Variants in TNFAIP3 observed in about 807,000 individuals in gnomAD.
TNFAIP3 encodes the protein tumor necrosis factor alpha-induced protein 3.
Under a neutral mutation model 72.4 loss-of-function variants are expected in TNFAIP3, and 9 were observed. The observed-to-expected ratio is 0.12, with a 90% confidence interval of 0.07 to 0.22. The LOEUF (loss-of-function observed/expected upper bound fraction) is 0.22. TNFAIP3 is among the 10% of genes least tolerant of loss of function. The pLI, the probability that TNFAIP3 is intolerant of heterozygous loss-of-function variation, is 1.00. For missense variants in TNFAIP3, 833 were observed against 1,018.7 expected (o/e 0.82, Z 2.48); for synonymous variants, 339 against 372.6 (o/e 0.91, Z 1.04).
rs1349586195 is a variant in TNFAIP3, at chr6:137,882,418, T to C, written c.*1099T>C. On this transcript the variant is annotated 3_prime_UTR_variant, in exon 9 of 9. Transcript: ENST00000612899. ...AGAACATCCTTGCTTTGAGTCAGGCTGTGGGCAAGTTCCTGACCACAGGGA... is the reference window on the plus strand; with the variant it reads ...AGAACATCCTTGCTTTGAGTCAGGCCGTGGGCAAGTTCCTGACCACAGGGA... 4.3e-6 allele frequency: 1 copy of C among 233,032 alleles called. No individual in the cohort carries two copies. The highest frequency in any genetic ancestry group is 8.5e-6 in the Non-Finnish European group (1 of 117,896). 14.4% of individuals were successfully genotyped at this position (233,032 alleles called of 1,614,324 possible). A position where few individuals can be genotyped will look rare whatever the true frequency, so the allele number is the denominator to read the frequency against.
At chr6:137,866,357 C>A (rs1775837306), upstream of TNFAIP3, among the ~76,000 whole-genome samples, 1 of 152,208 alleles carries the variant, frequency 6.6e-6, no homozygotes, top group African/African-American at 2.4e-5. Flanking sequence ...CCAGTATTAT[C>A]AGCCATCAGC....
rs925155401 is a variant in TNFAIP3 at position 137,867,623 on chromosome 6, C to G, written c.-16+81C>G. 1.0e-4 allele frequency: 16 copies of G among 152,770 alleles called. No homozygotes were observed. Among genetic ancestry groups the G allele is most frequent in the African/African-American group, 3.6e-4 (15 of 41,474 alleles). 9.5% of individuals were successfully genotyped at this position (152,770 alleles called of 1,614,324 possible). A position where few individuals can be genotyped will look rare whatever the true frequency, so the allele number is the denominator to read the frequency against. On this transcript the variant is annotated intron_variant, in intron 1 of 8. Transcript: ENST00000612899. This position sits in a 1 kb window ranked among gnomAD's most constrained non-coding sequence, Gnocchi z 6.0. ...GCGGGTGCATGTTGGGCAGCGACCC[C>G]CGGGCTGGCACCGTCTACCTGGCGT...
Position 137,881,187 on chromosome 6 carries a change from C to A in TNFAIP3, c.2241C>A (p.Ala747=). ...CCAACCAGAGGATGGGCCCTGGGGC[C>A]CACCGGGGTGAGCCTGCCCCCGAAG... ...QHPNQRMGPG[A]HRGEPAPEDP... is the part of the protein sequence containing the mutation. The change falls in exon 9 of 9, where the codon GCC becomes GCA. Residue 747 remains alanine, a synonymous_variant. Transcript: ENST00000612899. The surrounding 1 kb of genome is among the most constrained non-coding windows in gnomAD (Gnocchi z 5.0). The A allele has an allele frequency of 1.2e-6, 2 of 1,613,668 alleles. No individual in the cohort carries two copies. Among genetic ancestry groups the A allele is most frequent in the Non-Finnish European group, 1.7e-6 (2 of 1,179,924 alleles).
rs201505674 is a variant in TNFAIP3 at position 137,876,017 on chromosome 6, A to G, written c.656A>G (p.Glu219Gly). Residue 219 changes from glutamate to glycine, a missense_variant, in exon 5 of 9, where the codon GAA (glutamate) becomes GGA (glycine). Coordinates refer to ENST00000612899, the MANE Select transcript of TNFAIP3 (RefSeq NM_001270508.2). ...VISDKMLRSL[E>G]SGSNFAPLKV... The stretch of plus-strand genomic sequence containing the variant: ...ACAGACAAAATGCTAAGAAGTTTGG[A>G]ATCAGGTTCCAATTTCGCCCCTTTG... The G allele has an allele frequency of 1.1e-5, 17 of 1,613,544 alleles. No homozygotes were observed. The African/African-American group carries it at 2.3e-4, about 22-fold the overall frequency.
At chr6:137,874,799 G>A in intron 2 of TNFAIP3, 46 bp from the exon 3 acceptor site, 1 of 1,583,152 alleles carries the variant, frequency 6.3e-7, no homozygotes, top group Non-Finnish European at 8.6e-7. Context: ...GGTCTTACAT[G>A]CAGATAACTT....
chr6:137,866,361 C>T (rs5029924), upstream of TNFAIP3, among the ~76,000 whole-genome samples: 18,465 of 152,172 alleles, frequency 0.12, 2,586 homozygotes, highest in African/African-American at 0.35. Flanking sequence ...TATTATCAGC[C>T]ATCAGCACCC....
At chr6:137,869,376 TGGACGGACGGACGGAC>T (rs71547071) in intron 1 of TNFAIP3, among the ~76,000 whole-genome samples, 4,563 of 142,066 alleles carry the variant, frequency 0.032, 100 homozygotes, top group Middle Eastern at 0.082. Flanking sequence ...GATGGATGGA[TGGACGGACGGACGGAC>T]GGACGGATAG....
Position 137,882,910 on chromosome 6 carries a change from G to T in TNFAIP3, c.*1591G>T, listed in dbSNP as rs1260481816. On this transcript the variant is annotated 3_prime_UTR_variant, in exon 9 of 9. Transcript: ENST00000612899. ...GAAATGCATTTTCCCCAGAGATAAA[G>T]GCTGCCATTTTGGGGGTCTGTACTT... is the stretch of plus-strand genomic sequence containing the variant. 1 of 226,554 alleles carries T rather than the reference G, an allele frequency of 4.4e-6. No homozygotes were observed. The highest frequency in any genetic ancestry group is 6.3e-5 in the East Asian group (1 of 15,784). 14.0% of individuals were successfully genotyped at this position (226,554 alleles called of 1,614,324 possible). A position where few individuals can be genotyped will look rare whatever the true frequency, so the allele number is the denominator to read the frequency against.
rs748578366 is a variant in TNFAIP3 at position 137,879,230 on chromosome 6, A to G, written c.1785A>G (p.Ala595=). 9 of 1,614,148 alleles carry G rather than the reference A, an allele frequency of 5.6e-6. No homozygotes were observed. Among genetic ancestry groups the G allele is most frequent in the Non-Finnish European group, 7.6e-6 (9 of 1,180,018 alleles). ...DAPAGCLSQA[A]RTPGDRTGTS... ...CTGCTGGCTGCCTGTCTCAAGCTGC[A>G]CGGACTCCTGGGGACAGGACGGGGA... Residue 595 remains alanine (A), a synonymous_variant, in exon 7 of 9, where the codon GCA becomes GCG. Coordinates refer to ENST00000612899, the MANE Select transcript of TNFAIP3 (RefSeq NM_001270508.2).
At position 137,882,542 on chromosome 6, in the gene TNFAIP3, C is replaced by G. The variant is rs1390133016; in HGVS notation, c.*1223C>G. 8.6e-6 allele frequency: 2 copies of G among 232,484 alleles called. No homozygotes were observed. The highest frequency in any genetic ancestry group is 6.0e-5 in the East Asian group (1 of 16,590). The allele number at this position is 232,484 out of a possible 1,614,324, so 14.4% of individuals were successfully genotyped here. On this transcript the variant is annotated 3_prime_UTR_variant, in exon 9 of 9. Coordinates refer to ENST00000612899, the MANE Select transcript of TNFAIP3 (RefSeq NM_001270508.2). ...ATATTCATCGATGTTTCGTGCTTCT[C>G]CTTATGAAACTCCAGCTATGTAATA...
In TNFAIP3 at chr6:137,875,060, A is replaced by C. The variant is rs775450567; in HGVS notation, c.486+25A>C. ...GGTAGGTTTTTCCCCCTAATTATCT[A>C]CTAACAGAGCTCCATGGTGGGCATA... On this transcript the variant is annotated intron_variant, in intron 3 of 8. Coordinates refer to ENST00000612899, the MANE Select transcript of TNFAIP3 (RefSeq NM_001270508.2). 5 of 1,613,082 alleles carry C rather than the reference A, an allele frequency of 3.1e-6. No individual in the cohort carries two copies. The East Asian group carries it at 1.1e-4, about 36-fold the overall frequency.
chr6:137,877,617 T>C (rs1267677883), intron 6 of TNFAIP3, among the ~76,000 whole-genome samples: 2 of 152,198 alleles, frequency 1.3e-5, no homozygotes, highest in African/African-American at 2.4e-5. Flanking sequence ...GTGAAAACAC[T>C]TGGAAACAAA....
rs1776511224 is a variant in TNFAIP3 at position 137,882,983 on chromosome 6, A to C, written c.*1664A>C. The C allele has an allele frequency of 4.5e-6, 1 of 223,884 alleles. No homozygotes were observed. Among genetic ancestry groups the C allele is most frequent in the Non-Finnish European group, 8.9e-6 (1 of 112,454 alleles). The allele number at this position is 223,884 out of a possible 1,614,324, so 13.9% of individuals were successfully genotyped here. Reference sequence around the variant, plus strand: ...CCATAACTCTACACAGCCTTTACTCATACTATTAGGCACACTTTCCCCTTA... The same window carrying C: ...CCATAACTCTACACAGCCTTTACTCCTACTATTAGGCACACTTTCCCCTTA... On this transcript the variant is annotated 3_prime_UTR_variant, in exon 9 of 9. Coordinates refer to ENST00000612899, the MANE Select transcript of TNFAIP3 (RefSeq NM_001270508.2).
chr6:137,878,242 G>C (rs1435137603), intron 6 of TNFAIP3, among the ~76,000 whole-genome samples, 190 bp from the exon 7 acceptor site: 1 of 152,248 alleles, frequency 6.6e-6, no homozygotes, highest in East Asian at 1.9e-4. Context: ...ACTCGAACAT[G>C]TTGGGAAATG....
At chr6:137,875,460 G>A (rs546829039) in intron 3 of TNFAIP3, among the ~76,000 whole-genome samples, 5 of 152,220 alleles carry the variant, frequency 3.3e-5, no homozygotes, top group Non-Finnish European at 7.4e-5. Flanking sequence ...TAAAGCAGGT[G>A]CTGTCCCCGT....
At chr6:137,879,976 C>G in intron 7 of TNFAIP3, 95 bp from the exon 8 acceptor site, 1 of 1,036,376 alleles carries the variant, frequency 9.6e-7, no homozygotes, top group East Asian at 2.5e-5. Context: ...CTGGCCTAAT[C>G]TGTATTTGGA....
At chr6:137,872,264 TA>T (rs1348123847) in intron 2 of TNFAIP3, among the ~76,000 whole-genome samples, 1 of 152,228 alleles carries the variant, frequency 6.6e-6, no homozygotes, top group African/African-American at 2.4e-5. Flanking sequence ...TGGGTAAGAA[TA>T]TGTGCATCAA....
intron 1 of TNFAIP3, among the ~76,000 whole-genome samples, chr6:137,868,527 G>T (rs569426663): frequency 6.6e-6 from 1 of 152,020 alleles, no homozygotes; most frequent in South Asian, 2.1e-4. Flanking sequence ...TTTGGATGAG[G>T]TATTTGTTGA....
chr6:137,871,239 A>C lies in TNFAIP3; in HGVS notation c.12A>C (p.Gln4His). ...TGTTGGAGAGCACAATGGCTGAACAAGTCCTTCCTCAGGCTTTGTATTTGA... is the reference window on the plus strand; with the variant it reads ...TGTTGGAGAGCACAATGGCTGAACACGTCCTTCCTCAGGCTTTGTATTTGA... Reference protein sequence around the residue: MAEQVLPQALYLSN... With the variant: MAEHVLPQALYLSN... The change falls in exon 2 of 9, where the codon CAA becomes CAC. Residue 4 changes from glutamine (Q) to histidine (H), a missense_variant. This residue lies in a region of TNFAIP3 where 246 missense variants were observed against 360.9 expected (regional missense o/e 0.68). Coordinates refer to ENST00000612899, the MANE Select transcript of TNFAIP3 (RefSeq NM_001270508.2). The surrounding 1 kb of genome is among the most constrained non-coding windows in gnomAD (Gnocchi z 4.2). The C allele has an allele frequency of 6.2e-7, 1 of 1,612,674 alleles. No homozygotes were observed. Among genetic ancestry groups the C allele is most frequent in the Non-Finnish European group, 8.5e-7 (1 of 1,179,122 alleles).
Sources: gnomAD v4.1 joint callset for allele counts (sites outside exome capture counted in the v4.1 genomes callset) on GRCh38, gnomAD v4.1.1 for gene constraint, gnomAD v4.1.1 regional missense constraint, Gnocchi (gnomAD v3.1) non-coding constraint, MANE v1.5 for transcripts, NCBI Gene and HGNC (gene_info 2026-07-23, HGNC 2026-07-21) for gene names.